ZNF460: variants seen among roughly 807,000 people sequenced by gnomAD.
ZNF460 encodes zinc finger protein 460.
Under a neutral mutation model 8.4 loss-of-function variants are expected in ZNF460, and 1 was observed. The observed-to-expected ratio is 0.12, with a 90% CI of 0.04 to 0.56. The LOEUF (loss-of-function observed/expected upper bound fraction) is 0.56, where lower values mean the gene tolerates loss of function less well. Ranked by LOEUF, ZNF460 falls within the 20% of genes least tolerant of loss-of-function variation. ZNF460 has a pLI of 0.91. For missense variants in ZNF460, 477 were observed against 714.8 expected, an observed-to-expected ratio of 0.67 and a Z score of 3.79; for synonymous variants, 262 against 259.9, an observed-to-expected ratio of 1.01 and a Z score of -0.08.
At chr19:57,282,740 T>G (rs2087848673) in intron 1 of ZNF460, among the ~76,000 whole-genome samples, 1 of 152,080 alleles carries the variant, frequency 6.6e-6, no homozygotes, top group Admixed American at 6.5e-5. Flanking sequence ...CTGTAAACCC[T>G]GCACTTTGGG....
rs1289117069 is a variant in ZNF460 at position 57,291,822 on chromosome 19, G to C, written c.1281G>C (p.Lys427Asn). Residue 427 changes from lysine to asparagine, a missense_variant, in exon 3 of 3, where the codon AAG becomes AAC. Transcript: ENST00000360338. This position sits in a 1 kb window ranked among gnomAD's most constrained non-coding sequence, Gnocchi z 8.4. ...CCTATGAGTGTTTACAGTGTGGAAA[G>C]GCTTTTACCCGCATGTCAGGGCTCA... ...EKPYECLQCG[K>N]AFTRMSGLTR... 2 of 1,614,120 alleles carry C rather than the reference G, an allele frequency of 1.2e-6. No individual in the cohort carries two copies. The highest frequency in any genetic ancestry group is 1.7e-6 in the Non-Finnish European group (2 of 1,179,982).
rs111983302 is a variant in ZNF460, at chr19:57,290,679, G to A, written c.158-20G>A. Reference sequence around the variant, plus strand: ...CTGTACTATCTTAATAAGTTCTTTTGTGTATTGTGTTCCCTTCAGGTGACA... The same window carrying A: ...CTGTACTATCTTAATAAGTTCTTTTATGTATTGTGTTCCCTTCAGGTGACA... On this transcript the variant is annotated intron_variant, in intron 2 of 2. Transcript: ENST00000360338. The A allele has an allele frequency of 1.3e-5, 20 of 1,591,342 alleles. No individual in the cohort carries two copies. The East Asian group carries it at 4.0e-4, about 32-fold the overall frequency.
At chr19:57,284,823 T>TC (rs2087867448) in intron 2 of ZNF460, 146 bp downstream of exon 2, 65 of 1,017,468 alleles carry the variant, frequency 6.4e-5, no homozygotes, top group Admixed American at 1.2e-4. Context: ...ATTTTTTTTT[T>TC]TTTTTTTTTG....
At chr19:57,283,674 G>C (rs2087858669) in intron 1 of ZNF460, among the ~76,000 whole-genome samples, 2 of 151,068 alleles carry the variant, frequency 1.3e-5, no homozygotes, top group South Asian at 4.2e-4. Flanking sequence ...GCTAATTTTT[G>C]TATTTTTAGT....
At chr19:57,286,648 T>C (rs1170188639) in intron 2 of ZNF460, among the ~76,000 whole-genome samples, 1 of 152,132 alleles carries the variant, frequency 6.6e-6, no homozygotes, top group African/African-American at 2.4e-5. Flanking sequence ...ATAACTCATA[T>C]GCTGTGTTGT....
Position 57,280,846 on chromosome 19 carries a change from C to G in ZNF460, c.30+10C>G. 6.2e-7 allele frequency: 1 copy of G among 1,614,062 alleles called. No homozygotes were observed. Among genetic ancestry groups the G allele is most frequent in the Non-Finnish European group, 8.5e-7 (1 of 1,179,996 alleles). On this transcript the variant is annotated intron_variant, in intron 1 of 2. Transcript: ENST00000360338. The stretch of plus-strand genomic sequence containing the variant: ...GATGGCTCCGGCGCAGGTGAGTGGA[C>G]GAGGTTTCGGCCTTGCTGCTGCTGT...
intron 1 of ZNF460, among the ~76,000 whole-genome samples, chr19:57,281,669 G>A (rs750027322): frequency 6.8e-5 from 10 of 147,738 alleles, no homozygotes; most frequent in African/African-American, 2.5e-4. Context: ...GGGTTCAAGC[G>A]ATTCTCCTGC....
chr19:57,284,186 A>G (rs2087862143), intron 1 of ZNF460, among the ~76,000 whole-genome samples: 2 of 149,878 alleles, frequency 1.3e-5, no homozygotes, highest in Admixed American at 1.3e-4. Context: ...CTTCCTGCCT[A>G]GGAGGCTTTA....
intron 1 of ZNF460, 45 bp downstream of exon 1, chr19:57,280,881 A>T: frequency 6.2e-7 from 1 of 1,612,586 alleles, no homozygotes; most frequent in Middle Eastern, 1.7e-4. Flanking sequence ...TGCTATTTCT[A>T]GAGGCCTCGT....
rs900071785 is a variant in ZNF460 at position 57,280,693 on chromosome 19, C to G, written c.-114C>G. The G allele has an allele frequency of 1.3e-6, 2 of 1,482,698 alleles. No individual in the cohort carries two copies. Among genetic ancestry groups the G allele is most frequent in the East Asian group, 4.9e-5 (2 of 40,740 alleles). The allele number at this position is 1,482,698 out of a possible 1,614,324, so 91.8% of individuals were successfully genotyped here. A position where few individuals can be genotyped will look rare whatever the true frequency, so the allele number is the denominator to read the frequency against. Reference sequence around the variant, plus strand: ...TCAGCCCCGACGCTGCGCCTTGGGCCTTGTGCGCATTTTTTTCGGGGGAAA... The same window carrying G: ...TCAGCCCCGACGCTGCGCCTTGGGCGTTGTGCGCATTTTTTTCGGGGGAAA... On this transcript the variant is annotated 5_prime_UTR_variant, in exon 1 of 3. Transcript: ENST00000360338.
Position 57,292,074 on chromosome 19 carries a change from C to A in ZNF460, c.1533C>A (p.Asn511Lys). Residue 511 changes from asparagine (N) to lysine (K), a missense_variant, in exon 3 of 3, where the codon AAC (asparagine) becomes AAA (lysine). Asn to Lys is a moderately conservative substitution (Grantham distance 94). Coordinates refer to ENST00000360338, the MANE Select transcript of ZNF460 (RefSeq NM_006635.4). ...EKSHEPIQSG[N>K]VSCESTDLIQ... Reference sequence around the variant, plus strand: ...CCCACGAACCCATCCAGAGTGGGAACGTTTCTTGTGAGAGCACAGATCTCA... The same window carrying A: ...CCCACGAACCCATCCAGAGTGGGAAAGTTTCTTGTGAGAGCACAGATCTCA... The A allele has an allele frequency of 2.5e-6, 4 of 1,614,144 alleles. No homozygotes were observed. The highest frequency in any genetic ancestry group is 2.5e-6 in the Non-Finnish European group (3 of 1,180,038).
rs1284075949 is a variant in ZNF460, at chr19:57,280,512, G to C, written c.-295G>C. The C allele has an allele frequency of 2.0e-6, 1 of 498,830 alleles. No individual in the cohort carries two copies. The highest frequency in any genetic ancestry group is 3.6e-6 in the Non-Finnish European group (1 of 275,728). The allele number at this position is 498,830 out of a possible 1,614,324, so 30.9% of individuals were successfully genotyped here. The stretch of plus-strand genomic sequence containing the variant: ...AACAGTGTGGGGCCTAGAGCGCTGG[G>C]TGGGCGCGTTCTGCGGCCTGAGCAG... On this transcript the variant is annotated 5_prime_UTR_variant, in exon 1 of 3. Transcript: ENST00000360338.
In ZNF460 at chr19:57,280,625, G is replaced by A. The variant is rs2087830421; in HGVS notation, c.-182G>A. The A allele has an allele frequency of 1.3e-6, 1 of 781,666 alleles. No individual in the cohort carries two copies. Among genetic ancestry groups the A allele is most frequent in the Non-Finnish European group, 2.0e-6 (1 of 502,764 alleles). The allele number at this position is 781,666 out of a possible 1,614,324, so 48.4% of individuals were successfully genotyped here. A position where few individuals can be genotyped will look rare whatever the true frequency, so the allele number is the denominator to read the frequency against. ...TCTCCCCTAACGAGGTGTCCCACCG[G>A]CGCCCGCCGAGGCCTAGGCCTCCGC... On this transcript the variant is annotated 5_prime_UTR_variant, in exon 1 of 3. Coordinates refer to ENST00000360338, the MANE Select transcript of ZNF460 (RefSeq NM_006635.4).
chr19:57,290,897 A>G lies in ZNF460; in HGVS notation c.356A>G (p.His119Arg), dbSNP rs1352784246. ...ACAGACCCACAGAGTGAGAAACTCC[A>G]TGGGAAAATGAGCCTTGAACACGAA... is the stretch of plus-strand genomic sequence containing the variant. ...PGTDPQSEKL[H>R]GKMSLEHEGL... is the part of the protein sequence containing the mutation. The change falls in exon 3 of 3, where the codon CAT becomes CGT. Residue 119 changes from histidine (H) to arginine (R), a missense_variant. Around this residue, in one of 5 missense-constraint regions of ZNF460, gnomAD observed 169 missense variants for 178.6 expected, o/e 0.95. Transcript: ENST00000360338. 3 of 1,614,232 alleles carry G rather than the reference A, an allele frequency of 1.9e-6. No homozygotes were observed. Among genetic ancestry groups the G allele is most frequent in the Non-Finnish European group, 1.7e-6 (2 of 1,180,044 alleles).
At chr19:57,285,030 G>A (rs1051473774) in intron 2 of ZNF460, among the ~76,000 whole-genome samples, 10 of 151,958 alleles carry the variant, frequency 6.6e-5, no homozygotes, top group Non-Finnish European at 1.2e-4. Flanking sequence ...TGGTCAGGCT[G>A]TTCTCAAACT....
chr19:57,284,248 A>G (rs2087863344), intron 1 of ZNF460, among the ~76,000 whole-genome samples: 1 of 149,890 alleles, frequency 6.7e-6, no homozygotes, highest in African/African-American at 2.5e-5. Flanking sequence ...TTTTTTTGAG[A>G]CAGAGTCTTG....
chr19:57,287,844 C>T (rs2087890110), intron 2 of ZNF460, among the ~76,000 whole-genome samples: 1 of 152,082 alleles, frequency 6.6e-6, no homozygotes, highest in Admixed American at 6.6e-5. Context: ...TAAAAATTAG[C>T]TAGGTGTGGT....
At chr19:57,286,572 C>T (rs1286764121) in intron 2 of ZNF460, among the ~76,000 whole-genome samples, 1 of 152,124 alleles carries the variant, frequency 6.6e-6, no homozygotes, top group African/African-American at 2.4e-5. Context: ...TGCTTCAGGC[C>T]AGGAGTTCGA....
Position 57,292,285 on chromosome 19 carries a change from T to C in ZNF460, c.*55T>C. 1 of 1,512,306 alleles carries C rather than the reference T, an allele frequency of 6.6e-7. No homozygotes were observed. The allele number at this position is 1,512,306 out of a possible 1,614,324, so 93.7% of individuals were successfully genotyped here. A position where few individuals can be genotyped will look rare whatever the true frequency, so the allele number is the denominator to read the frequency against. ...TCAGTCAACATCCAAGAATTCCTAT[T>C]AGCGAAATAGTTTTTTAATATAACC... is the stretch of plus-strand genomic sequence containing the variant. On this transcript the variant is annotated 3_prime_UTR_variant, in exon 3 of 3. Coordinates refer to ENST00000360338, the MANE Select transcript of ZNF460 (RefSeq NM_006635.4).
Sources: allele counts gnomAD v4.1 joint callset (sites outside exome capture counted in the v4.1 genomes callset), GRCh38; gene constraint gnomAD v4.1.1; regional missense constraint gnomAD v4.1.1; non-coding constraint Gnocchi (gnomAD v3.1); transcripts MANE v1.5; gene names NCBI Gene and HGNC (gene_info 2026-07-23, HGNC 2026-07-21).